Variants in PLXDC2 observed in about 807,000 individuals in gnomAD.
The protein encoded by PLXDC2 is plexin domain-containing protein 2.
A neutral mutation model predicts 68.9 loss-of-function variants in PLXDC2; 40 were observed. The ratio of observed to expected loss-of-function variants is 0.58; its 90% confidence interval spans 0.45 to 0.76. The LOEUF is 0.76. PLXDC2 is among the 30% of genes least tolerant of loss of function. PLXDC2 has a pLI of 0.00. For missense variants in PLXDC2, 644 were observed against 661.9 expected (o/e 0.97, Z 0.30); for synonymous variants, 243 against 234.2 (o/e 1.04, Z -0.34).
At chr10:20,079,110 G>C (rs1836504621) in intron 4 of PLXDC2, among the ~76,000 whole-genome samples, 1 of 151,906 alleles carries the variant, frequency 6.6e-6, no homozygotes, top group African/African-American at 2.4e-5. Flanking sequence ...CTTAAGAAAA[G>C]AGAAGTAAAA....
At chr10:20,182,100 T>A (rs1834613727) in intron 9 of PLXDC2, among the ~76,000 whole-genome samples, 1 of 151,470 alleles carries the variant, frequency 6.6e-6, no homozygotes, top group Non-Finnish European at 1.5e-5. Flanking sequence ...TGTGTGTGTG[T>A]GAATGAAGTT....
At chr10:19,925,113 A>G (rs191006290) in intron 1 of PLXDC2, among the ~76,000 whole-genome samples, 8 of 152,356 alleles carry the variant, frequency 5.3e-5, no homozygotes, top group African/African-American at 1.9e-4. Context: ...CTTAAGTTCC[A>G]GCCGTGACAC....
intron 13 of PLXDC2, among the ~76,000 whole-genome samples, chr10:20,277,317 T>A (rs1836021563): frequency 6.6e-6 from 1 of 151,964 alleles, no homozygotes; most frequent in African/African-American, 2.4e-5. Context: ...AGGGCCGATT[T>A]ATATAGATTT....
At chr10:20,247,865 A>G (rs1452561896) in intron 13 of PLXDC2, among the ~76,000 whole-genome samples, 1 of 152,224 alleles carries the variant, frequency 6.6e-6, no homozygotes, top group Non-Finnish European at 1.5e-5. Context: ...GTATTTCAGA[A>G]ATGGCATCTT....
chr10:20,261,445 G>A (rs1353278196), intron 13 of PLXDC2, among the ~76,000 whole-genome samples: 1 of 152,134 alleles, frequency 6.6e-6, no homozygotes, highest in Non-Finnish European at 1.5e-5. Context: ...AACTCATAAA[G>A]ATACAAATGT....
At chr10:19,974,906 A>G (rs1834422617) in intron 1 of PLXDC2, among the ~76,000 whole-genome samples, 1 of 152,184 alleles carries the variant, frequency 6.6e-6, no homozygotes, top group Non-Finnish European at 1.5e-5. Context: ...GGACCCAGGA[A>G]AAGGTCATCT....
At chr10:19,893,616 T>C (rs1431183626) in intron 1 of PLXDC2, among the ~76,000 whole-genome samples, 1 of 152,240 alleles carries the variant, frequency 6.6e-6, no homozygotes, top group Non-Finnish European at 1.5e-5. Context: ...ACCAATATAA[T>C]AATGGCTCCT....
At chr10:20,169,494 A>G (rs903106991) in intron 7 of PLXDC2, among the ~76,000 whole-genome samples, 3 of 152,102 alleles carry the variant, frequency 2.0e-5, no homozygotes, top group Non-Finnish European at 4.4e-5. Context: ...TGTCCTTCCA[A>G]ATCCTTACAC....
chr10:19,858,710 C>A (rs909390121), intron 1 of PLXDC2, among the ~76,000 whole-genome samples: 5 of 151,866 alleles, frequency 3.3e-5, no homozygotes, highest in Non-Finnish European at 7.4e-5. Flanking sequence ...TGAGTATTTG[C>A]ATTGTAGAGT....
chr10:20,216,350 C>T (rs1017893634), intron 10 of PLXDC2, among the ~76,000 whole-genome samples: 1 of 151,986 alleles, frequency 6.6e-6, no homozygotes, highest in Non-Finnish European at 1.5e-5. Flanking sequence ...GTGGGGATGA[C>T]AACTAAAGTG....
intron 1 of PLXDC2, among the ~76,000 whole-genome samples, chr10:19,868,066 T>C (rs981683472): frequency 9.2e-5 from 14 of 152,174 alleles, no homozygotes; most frequent in Non-Finnish European, 1.8e-4. Flanking sequence ...ATACGTGGCT[T>C]TGTAATGTTT....
intron 3 of PLXDC2, among the ~76,000 whole-genome samples, chr10:20,051,296 A>G (rs1178707316): frequency 1.3e-5 from 2 of 151,430 alleles, no homozygotes; most frequent in African/African-American, 4.8e-5. Flanking sequence ...TAGGCTTAAT[A>G]TTTGGGTGAT....
At chr10:20,159,037 T>A (rs1179073580) in intron 6 of PLXDC2, among the ~76,000 whole-genome samples, 2 of 152,032 alleles carry the variant, frequency 1.3e-5, no homozygotes, top group Non-Finnish European at 1.5e-5. Flanking sequence ...GACAAAAGAG[T>A]ACAGTTTTAG....
intron 1 of PLXDC2, among the ~76,000 whole-genome samples, chr10:19,846,290 G>C (rs944907118): frequency 4.6e-5 from 7 of 152,096 alleles, no homozygotes; most frequent in Non-Finnish European, 8.8e-5. Context: ...AAGGAAAAGA[G>C]CATTATTTTT....
chr10:20,070,906 C>A (rs769500335), intron 4 of PLXDC2: 1 of 152,046 alleles, frequency 6.6e-6, no homozygotes, highest in Non-Finnish European at 1.5e-5. Context: ...TCAAACCCAA[C>A]CAGATAGCTA....
intron 9 of PLXDC2, among the ~76,000 whole-genome samples, chr10:20,190,513 G>A (rs1834750198): frequency 6.6e-6 from 1 of 151,740 alleles, no homozygotes; most frequent in South Asian, 2.1e-4. Context: ...GAGTTAATGG[G>A]TGTAGCACAC....
intron 7 of PLXDC2, among the ~76,000 whole-genome samples, chr10:20,168,327 T>A (rs1371989869): frequency 3.3e-5 from 5 of 152,164 alleles, no homozygotes; most frequent in Non-Finnish European, 7.4e-5. Context: ...ACAGCATGCA[T>A]TACCTAGCAG....
At chr10:20,075,851 T>A (rs1002721923) in intron 4 of PLXDC2, among the ~76,000 whole-genome samples, 1 of 152,196 alleles carries the variant, frequency 6.6e-6, no homozygotes, top group Non-Finnish European at 1.5e-5. Context: ...GTCTCCAGGC[T>A]CATCCCCTTC....
intron 1 of PLXDC2, among the ~76,000 whole-genome samples, chr10:19,869,508 A>G (rs1426513058): frequency 6.7e-6 from 1 of 149,618 alleles, no homozygotes; most frequent in Non-Finnish European, 1.5e-5. Flanking sequence ...GAGGGAGACC[A>G]GTACATTAAA....
Sources: allele counts gnomAD v4.1 joint callset (sites outside exome capture counted in the v4.1 genomes callset), GRCh38; gene constraint gnomAD v4.1.1; transcripts MANE v1.5; gene names NCBI Gene and HGNC (gene_info 2026-07-23, HGNC 2026-07-21).